The following NRXN3 variants were observed in gnomAD, a reference collection of about 807,000 sequenced individuals.
The protein encoded by NRXN3 is neurexin III.
A neutral mutation model predicts 137.6 loss-of-function variants in NRXN3; 32 were observed. That is an observed-to-expected ratio of 0.23 (90% CI 0.18 to 0.31). The LOEUF (loss-of-function observed/expected upper bound fraction) is 0.31, where lower values mean the gene tolerates loss of function less well. Among genes scored for constraint, NRXN3 ranks in the 10% least tolerant of loss-of-function variants. NRXN3 has a pLI of 1.00. For synonymous variants in NRXN3, 798 were observed against 784.5 expected (o/e 1.02, Z -0.29); for missense variants, 1,574 against 2,062.5 (o/e 0.76, Z 4.59).
chr14:79,392,795 C>T (rs753349602), intron 15 of NRXN3, among the ~76,000 whole-genome samples: 11 of 151,758 alleles, frequency 7.2e-5, no homozygotes, highest in Non-Finnish European at 1.6e-4. Context: ...CATGATGAAA[C>T]CCTGTCTTTA....
intron 20 of NRXN3, among the ~76,000 whole-genome samples, chr14:79,827,613 A>G (rs1043901455): frequency 3.9e-5 from 6 of 152,032 alleles, no homozygotes; most frequent in Admixed American, 2.6e-4. Flanking sequence ...GGAAACTACA[A>G]TCATGGCAAA....
At chr14:79,605,906 A>G (rs2098007268) in intron 16 of NRXN3, among the ~76,000 whole-genome samples, 1 of 152,180 alleles carries the variant, frequency 6.6e-6, no homozygotes, top group African/African-American at 2.4e-5. Context: ...ACCTGAAATG[A>G]TGGATCAGTA....
chr14:78,210,715 T>C (rs1418216059), intron 1 of NRXN3, among the ~76,000 whole-genome samples: 4 of 152,166 alleles, frequency 2.6e-5, no homozygotes, highest in African/African-American at 9.7e-5. Context: ...GATGTAGTTT[T>C]TGTCATTATT....
intron 4 of NRXN3, among the ~76,000 whole-genome samples, chr14:78,424,110 C>T (rs144344534): frequency 3.4e-4 from 52 of 152,290 alleles, no homozygotes; most frequent in South Asian, 1.7e-3. Context: ...GGTTCCTAGG[C>T]AGGTGGGAGG....
chr14:79,168,778 G>A (rs2061512754), intron 15 of NRXN3, among the ~76,000 whole-genome samples: 1 of 151,416 alleles, frequency 6.6e-6, no homozygotes, highest in Non-Finnish European at 1.5e-5. Flanking sequence ...AGTCTTTCCT[G>A]GACACAAAAA....
chr14:79,825,814 G>A (rs184965959), intron 20 of NRXN3, among the ~76,000 whole-genome samples: 1 of 152,182 alleles, frequency 6.6e-6, no homozygotes, highest in African/African-American at 2.4e-5. Context: ...TTATATACTT[G>A]TATTAAAGCA....
At chr14:78,760,656 A>C (rs574926545) in intron 8 of NRXN3, among the ~76,000 whole-genome samples, 1 of 152,020 alleles carries the variant, frequency 6.6e-6, no homozygotes, top group East Asian at 1.9e-4. Context: ...CATTATCAGA[A>C]ATCGTCACTT....
At chr14:79,144,652 A>G (rs1006990948) in intron 15 of NRXN3, among the ~76,000 whole-genome samples, 1 of 152,160 alleles carries the variant, frequency 6.6e-6, no homozygotes, top group African/African-American at 2.4e-5. Flanking sequence ...GCTTCTTGTG[A>G]AATGGTCGCC....
At chr14:79,490,263 C>A (rs971566358) in intron 16 of NRXN3, among the ~76,000 whole-genome samples, 3 of 152,030 alleles carry the variant, frequency 2.0e-5, no homozygotes, top group South Asian at 2.1e-4. Context: ...GGAGGTTCCT[C>A]AAAAACTAAA....
intron 15 of NRXN3, among the ~76,000 whole-genome samples, chr14:79,263,495 T>C (rs2153412213): frequency 6.6e-6 from 1 of 152,322 alleles, no homozygotes; most frequent in East Asian, 1.9e-4. Context: ...AGGAACATGT[T>C]AACCATCAAA....
At chr14:78,259,786 G>A (rs1353793923) in intron 2 of NRXN3, among the ~76,000 whole-genome samples, 1 of 152,136 alleles carries the variant, frequency 6.6e-6, no homozygotes, top group Non-Finnish European at 1.5e-5. Flanking sequence ...TGCTTGCTGT[G>A]CATCAGTTTT....
Position 79,415,715 on chromosome 14 carries a change from G to A in NRXN3, c.3263-51506G>A, listed in dbSNP as rs372453305. 1.2e-4 allele frequency among the ~76,000 whole-genome samples: 19 copies of A among 152,070 alleles called. No homozygotes were observed. The South Asian group carries it at 1.5e-3, about 12-fold the overall frequency. On this transcript the variant is annotated intron_variant, in intron 15 of 20. Transcript: ENST00000335750. The stretch of plus-strand genomic sequence containing the variant: ...ATATCTGTACATTCATGTAACAATC[G>A]CCATGTTTAAGAAATGTAGCATTGA...
At position 79,573,487 on chromosome 14, in the gene NRXN3, A is replaced by G. The variant is rs1368259266; in HGVS notation, c.3445-90291A>G. ...TTGGAAATGTGAAATTTTATATGGA[A>G]CTGTCAATTTGTGGAAGTTAGAAAC... On this transcript the variant is annotated intron_variant, in intron 16 of 20. Coordinates refer to ENST00000335750, the MANE Select transcript of NRXN3 (RefSeq NM_001330195.2). Among the ~76,000 whole-genome samples, 3 of 151,850 alleles carry G rather than the reference A, an allele frequency of 2.0e-5. No individual in the cohort carries two copies. The East Asian group carries it at 5.8e-4, about 29-fold the overall frequency.
At chr14:78,550,845 T>G (rs866277625) in intron 4 of NRXN3, among the ~76,000 whole-genome samples, 6 of 152,158 alleles carry the variant, frequency 3.9e-5, no homozygotes, top group Non-Finnish European at 5.9e-5. Context: ...ATATCTATAC[T>G]GCCATGCTGT....
intron 10 of NRXN3, among the ~76,000 whole-genome samples, chr14:78,898,810 G>A (rs2099186391): frequency 6.6e-6 from 1 of 151,844 alleles, no homozygotes; most frequent in South Asian, 2.1e-4. Flanking sequence ...TAGAGTTTTA[G>A]GGAACATCTT....
intron 8 of NRXN3, among the ~76,000 whole-genome samples, chr14:78,785,151 G>C (rs2098784870): frequency 6.6e-6 from 1 of 152,188 alleles, no homozygotes; most frequent in Admixed American, 6.5e-5. Context: ...TTGCTAGTTA[G>C]AGAAATAAAC....
chr14:78,363,234 A>G (rs978967567), intron 4 of NRXN3, among the ~76,000 whole-genome samples: 1 of 152,104 alleles, frequency 6.6e-6, no homozygotes, highest in African/African-American at 2.4e-5. Flanking sequence ...TCCACTCTGC[A>G]TGGCCCGTCA....
intron 4 of NRXN3, among the ~76,000 whole-genome samples, chr14:78,561,042 A>T (rs1243183161): frequency 6.6e-6 from 1 of 152,212 alleles, no homozygotes; most frequent in Admixed American, 6.5e-5. Context: ...AGAACAGCAT[A>T]GCTTTACTTC....
At chr14:78,359,642 C>A (rs2084826456) in intron 4 of NRXN3, among the ~76,000 whole-genome samples, 1 of 152,090 alleles carries the variant, frequency 6.6e-6, no homozygotes, top group East Asian at 1.9e-4. Context: ...CAAGCAAAGC[C>A]CAGGAGGGTG....
Sources: gnomAD v4.1 joint callset for allele counts (sites outside exome capture counted in the v4.1 genomes callset) on GRCh38, gnomAD v4.1.1 for gene constraint, MANE v1.5 for transcripts, NCBI Gene and HGNC (gene_info 2026-07-23, HGNC 2026-07-21) for gene names.